C14orf93: variants seen among roughly 807,000 people sequenced by gnomAD.
C14orf93 encodes the protein chromosome 14 open reading frame 93.
C14orf93 carries 23 observed loss-of-function variants against 44.0 expected under a neutral mutation model. The ratio of observed to expected loss-of-function variants is 0.52; its 90% CI spans 0.38 to 0.74. C14orf93 has a LOEUF of 0.74. Ranked by LOEUF, C14orf93 falls within the 30% of genes least tolerant of loss-of-function variation. C14orf93 has a pLI of 0.00. For synonymous variants in C14orf93, 253 were observed against 265.7 expected, an observed-to-expected ratio of 0.95 and a Z score of 0.46; for missense variants, 579 against 678.9, an observed-to-expected ratio of 0.85 and a Z score of 1.64.
chr14:22,995,881 C>T, intron 3 of C14orf93, 67 bp downstream of exon 3: 2 of 1,440,204 alleles, frequency 1.4e-6, no homozygotes, highest in Middle Eastern at 1.8e-4. Context: ...CTAAAATCAA[C>T]CCACCCATCA....
intron 1 of C14orf93, among the ~76,000 whole-genome samples, chr14:23,002,944 A>C (rs1034150659): frequency 1.3e-5 from 2 of 152,202 alleles, no homozygotes; most frequent in African/African-American, 4.8e-5. Context: ...CTAACAAACA[A>C]CACATTCCTC....
intron 1 of C14orf93, among the ~76,000 whole-genome samples, chr14:23,000,772 G>A (rs1048434015): frequency 2.0e-5 from 3 of 151,348 alleles, no homozygotes; most frequent in Non-Finnish European, 4.4e-5. Flanking sequence ...ATATATTGAG[G>A]GTTTTCTTTT....
intron 1 of C14orf93, among the ~76,000 whole-genome samples, chr14:23,003,734 G>A (rs28625142): frequency 0.038 from 5,669 of 150,398 alleles, 341 homozygotes; most frequent in African/African-American, 0.13. Flanking sequence ...CCAGGAGGCA[G>A]AGGTTGCAGT....
rs774291164 is a variant in C14orf93 at position 22,998,557 on chromosome 14, A to G, written c.467T>C (p.Ile156Thr). The part of the protein sequence containing the change: ...DSVGSGVQVV[I>T]EELRQLGAAS... ...TGCTCCCAGCTGCCGCAGCTCCTCA[A>G]TCACCACCTGCACGCCGCTGCCCAC... Residue 156 changes from isoleucine to threonine, a missense_variant, in exon 2 of 7, where the codon ATT (isoleucine) becomes ACT (threonine). Transcript: ENST00000299088. 2.5e-5 allele frequency: 40 copies of G among 1,613,714 alleles called. No homozygotes were observed. Among genetic ancestry groups the G allele is most frequent in the Admixed American group, 1.7e-4 (10 of 59,980 alleles).
At chr14:23,008,154 CAAAAAAAAAAAAA>C (rs55936083) in intron 1 of C14orf93, among the ~76,000 whole-genome samples, 26,298 of 85,788 alleles carry the variant, frequency 0.31, 3,263 homozygotes, top group African/African-American at 0.42. Context: ...AACTCCGTTT[CAAAAAAAAAAAAA>C]AAAAAAAAAA....
At chr14:23,001,839 TAAA>T (rs780256403) in intron 1 of C14orf93, among the ~76,000 whole-genome samples, 3,618 of 59,446 alleles carry the variant, frequency 0.061, 239 homozygotes, top group African/African-American at 0.2. Context: ...TACTGCAGGT[TAAA>T]AAAAAAAAAA....
Position 23,008,171 on chromosome 14 carries a change from A to C in C14orf93, c.-380+1930T>G, listed in dbSNP as rs1338530899. Among the ~76,000 whole-genome samples the C allele has an allele frequency of 1.1e-4, 15 of 136,268 alleles. 1 individual carries two copies. Among genetic ancestry groups the C allele is most frequent in the Non-Finnish European group, 6.2e-5 (4 of 64,098 alleles). The allele number at this position is 136,268 out of a possible 152,430, so 89.4% of individuals were successfully genotyped here. ...CTCCGTTTCAAAAAAAAAAAAAAAA[A>C]AAAAAAAAACTCCCATCACTGTTGT... is the stretch of plus-strand genomic sequence containing the variant. On this transcript the variant is annotated intron_variant, in intron 1 of 6. Coordinates refer to ENST00000299088, the MANE Select transcript of C14orf93 (RefSeq NM_021944.4).
chr14:22,992,335 G>A (rs915691623), intron 3 of C14orf93, among the ~76,000 whole-genome samples: 8 of 151,608 alleles, frequency 5.3e-5, no homozygotes, highest in South Asian at 2.1e-4. Context: ...GCGTGGTGGC[G>A]TGCGACTGTA....
intron 1 of C14orf93, chr14:23,005,677 T>G (rs533600609): frequency 6.6e-6 from 1 of 152,158 alleles, no homozygotes; most frequent in Non-Finnish European, 1.5e-5. Flanking sequence ...GCAAAAAATA[T>G]AAGCATTTGG....
chr14:23,000,698 G>A (rs2139679080), intron 1 of C14orf93, among the ~76,000 whole-genome samples: 1 of 145,516 alleles, frequency 6.9e-6, no homozygotes, highest in Admixed American at 6.9e-5. Context: ...CCTGGCAACA[G>A]GGCGAGACTC....
In C14orf93 at chr14:22,996,042, T is replaced by A. The variant is rs751635736; in HGVS notation, c.824A>T (p.Glu275Val). Residue 275 changes from glutamate (E) to valine (V), a missense_variant, in exon 3 of 7, where the codon GAG (glutamate) becomes GTG (valine). Glu to Val is a moderately radical substitution (Grantham distance 121). Transcript: ENST00000299088. This position sits in a 1 kb window ranked among gnomAD's most constrained non-coding sequence, Gnocchi z 4.1. ...LEESGPGSTG[E>V]LRHSLGLTVS... ...GGTCAGCCCTAGAGAGTGTCTCAGCTCCCCAGTGCTCCCAGGGCCTGACTC... is the reference window on the plus strand; with the variant it reads ...GGTCAGCCCTAGAGAGTGTCTCAGCACCCCAGTGCTCCCAGGGCCTGACTC... 1.2e-6 allele frequency: 2 copies of A among 1,614,048 alleles called. No homozygotes were observed. The highest frequency in any genetic ancestry group is 4.5e-5 in the East Asian group (2 of 44,878).
chr14:23,003,659 C>T (rs977621944), intron 1 of C14orf93, among the ~76,000 whole-genome samples: 7 of 150,912 alleles, frequency 4.6e-5, no homozygotes, highest in Non-Finnish European at 7.4e-5. Context: ...AAAGTAGCCG[C>T]GCATGCTGGC....
At chr14:22,990,207 G>A (rs777476891) in intron 3 of C14orf93, 80 bp from the exon 4 acceptor site, 16 of 1,281,074 alleles carry the variant, frequency 1.2e-5, no homozygotes, top group South Asian at 2.5e-5. Context: ...GGGTAAAAAG[G>A]TATTGTCCCT....
intron 5 of C14orf93, among the ~76,000 whole-genome samples, chr14:22,989,314 A>C (rs1324083992): frequency 2.0e-5 from 3 of 152,182 alleles, no homozygotes; most frequent in Admixed American, 6.6e-5. Context: ...TTTTCAGCAG[A>C]AGCTTTCATA....
intron 1 of C14orf93, among the ~76,000 whole-genome samples, chr14:23,007,783 AAAGT>A (rs1465531687): frequency 6.6e-6 from 1 of 152,168 alleles, no homozygotes; most frequent in Non-Finnish European, 1.5e-5. Context: ...GAGACGCTAA[AAAGT>A]AAGGTAAAAA....
At chr14:22,995,679 CAAAAAAAAAAA>C (rs58710730) in intron 3 of C14orf93, among the ~76,000 whole-genome samples, 4 of 45,040 alleles carry the variant, frequency 8.9e-5, no homozygotes, top group Admixed American at 2.4e-4. Context: ...GACTCTGACT[CAAAAAAAAAAA>C]AAAAAAAAAA....
At chr14:23,003,899 T>TA (rs1491160474) in intron 1 of C14orf93, among the ~76,000 whole-genome samples, 19 of 9,888 alleles carry the variant, frequency 1.9e-3, no homozygotes, top group Non-Finnish European at 2.2e-3. Context: ...TATATATATA[T>TA]TTTTTTTTTT....
chr14:23,003,958 A>C (rs1171962086), intron 1 of C14orf93, among the ~76,000 whole-genome samples: 4 of 103,830 alleles, frequency 3.9e-5, no homozygotes, highest in African/African-American at 7.5e-5. Context: ...CGCCCAGGCT[A>C]GAGTGTGGAG....
Position 22,995,935 on chromosome 14 carries a change from T to G in C14orf93, c.918+13A>C. ...AGACTGAAGAAAAATTTATAGAAAC[T>G]GAGCTCACTCACAGAGAGTACAAGA... On this transcript the variant is annotated intron_variant, in intron 3 of 6. Transcript: ENST00000299088. The G allele has an allele frequency of 6.5e-7, 1 of 1,547,206 alleles. No individual in the cohort carries two copies. The highest frequency in any genetic ancestry group is 8.7e-7 in the Non-Finnish European group (1 of 1,145,680).
Sources: allele counts gnomAD v4.1 joint callset (sites outside exome capture counted in the v4.1 genomes callset), GRCh38; gene constraint gnomAD v4.1.1; non-coding constraint Gnocchi (gnomAD v3.1); transcripts MANE v1.5; gene names NCBI Gene and HGNC (gene_info 2026-07-23, HGNC 2026-07-21).